The following SLC39A11 variants were observed in gnomAD, a reference collection of about 807,000 sequenced individuals.
SLC39A11 encodes solute carrier family 39 member 11, also known as zinc transporter ZIP11.
SLC39A11 carries 33 observed loss-of-function variants against 36.1 expected under a neutral mutation model. The ratio of observed to expected loss-of-function variants is 0.91; its 90% CI spans 0.69 to 1.22. The LOEUF is 1.22. SLC39A11 is among the 50% of genes most tolerant of loss of function. The pLI, the probability that SLC39A11 is intolerant of heterozygous loss-of-function variation, is 0.00. For synonymous variants in SLC39A11, 166 were observed against 170.3 expected (o/e 0.97, Z 0.20); for missense variants, 432 against 430.3 (o/e 1.00, Z -0.03).
Position 72,761,380 on chromosome 17 carries a change from G to A in SLC39A11, c.602-24661C>T, listed in dbSNP as rs552901815. Among the ~76,000 whole-genome samples, 3 of 152,058 alleles carry A rather than the reference G, an allele frequency of 2.0e-5. No individual in the cohort carries two copies. In the East Asian group the frequency reaches 5.8e-4, roughly 29 times the overall value. ...TCCGCCCCCCTCGGCCTCCCAAAGT[G>A]CTGGGATTACAGATGTGAGCCATGC... On this transcript the variant is annotated intron_variant, in intron 6 of 9. Transcript: ENST00000255559.
chr17:72,932,292 T>A (rs1398742835), intron 5 of SLC39A11, among the ~76,000 whole-genome samples: 1 of 144,372 alleles, frequency 6.9e-6, no homozygotes, highest in African/African-American at 2.8e-5. Flanking sequence ...GACCTGTTCT[T>A]TTATTATTAT....
At position 72,853,355 on chromosome 17, in the gene SLC39A11, G is replaced by A. The variant is rs142003270; in HGVS notation, c.431-3551C>T. On this transcript the variant is annotated intron_variant, in intron 5 of 9. Coordinates refer to ENST00000255559, the MANE Select transcript of SLC39A11 (RefSeq NM_139177.4). ...TTGGGGATTTTATAATTTAAGAGAG[G>A]GCAGACAGAGAAGACACACACAAAT... 2.2e-4 allele frequency among the ~76,000 whole-genome samples: 34 copies of A among 151,950 alleles called. No homozygotes were observed. In the South Asian group the frequency reaches 5.8e-3, roughly 26 times the overall value.
intron 4 of SLC39A11, 70 bp from the exon 5 acceptor site, chr17:72,947,945 C>T: frequency 2.5e-6 from 4 of 1,582,768 alleles, no homozygotes; most frequent in Non-Finnish European, 3.4e-6. Flanking sequence ...TTCTGGCTCA[C>T]GGGCGCCAAG....
intron 3 of SLC39A11, among the ~76,000 whole-genome samples, chr17:73,084,449 A>AG (rs2060651759): frequency 2.0e-5 from 3 of 148,606 alleles, no homozygotes; most frequent in Admixed American, 1.3e-4. Flanking sequence ...AAAAAAAAAA[A>AG]AAAAAAAAAA....
At chr17:72,896,762 T>C (rs1358636220) in intron 5 of SLC39A11, among the ~76,000 whole-genome samples, 1 of 151,762 alleles carries the variant, frequency 6.6e-6, no homozygotes, top group African/African-American at 2.4e-5. Context: ...TTAAGAAAAG[T>C]CCTCACAGCC....
In SLC39A11 at chr17:72,890,131, G is replaced by A. The variant is rs148780729; in HGVS notation, c.431-40327C>T. On this transcript the variant is annotated intron_variant, in intron 5 of 9. Transcript: ENST00000255559. ...AAAAAAAAAATTAGCTGGGCATGGT[G>A]GCAGGTGCCTGTAATCCCAGCTACT... 9.9e-3 allele frequency among the ~76,000 whole-genome samples: 1,503 copies of A among 152,194 alleles called. 31 individuals carry two copies. The highest frequency in any genetic ancestry group is 0.034 in the African/African-American group (1,397 of 41,502).
chr17:73,005,418 G>A (rs1334863551), intron 4 of SLC39A11, among the ~76,000 whole-genome samples: 1 of 152,204 alleles, frequency 6.6e-6, no homozygotes, highest in Non-Finnish European at 1.5e-5. Context: ...ATGCCTGACT[G>A]TGTGTCTGAT....
chr17:72,687,757 G>A (rs748892999), intron 7 of SLC39A11, among the ~76,000 whole-genome samples: 7 of 152,180 alleles, frequency 4.6e-5, no homozygotes, highest in South Asian at 2.1e-4. Context: ...GGCAGCAGCC[G>A]CCTTTGACCA....
At chr17:72,941,377 T>C (rs2085088738) in intron 5 of SLC39A11, among the ~76,000 whole-genome samples, 2 of 152,170 alleles carry the variant, frequency 1.3e-5, no homozygotes, top group African/African-American at 4.8e-5. Context: ...CTATTAGTCT[T>C]GGACTTCCAG....
intron 3 of SLC39A11, among the ~76,000 whole-genome samples, chr17:73,070,276 C>A (rs1235277083): frequency 6.6e-6 from 1 of 152,270 alleles, no homozygotes; most frequent in Admixed American, 6.5e-5. Context: ...ATGCCCCCAA[C>A]CCAGGCTGGT....
At chr17:72,894,365 A>G (rs1307524664) in intron 5 of SLC39A11, among the ~76,000 whole-genome samples, 3 of 144,312 alleles carry the variant, frequency 2.1e-5, no homozygotes, top group African/African-American at 7.8e-5. Context: ...TGTCTCAAAA[A>G]AAAAAAAAAA....
chr17:73,004,313 G>C (rs1444754386), intron 4 of SLC39A11, among the ~76,000 whole-genome samples: 1 of 152,202 alleles, frequency 6.6e-6, no homozygotes, highest in East Asian at 1.9e-4. Flanking sequence ...CTGGAGGCTA[G>C]AAGTCCGAGA....
rs1024367474 is a variant in SLC39A11, at chr17:73,068,061, G to A, written c.147+16747C>T. 2.5e-5 allele frequency: 38 copies of A among 1,528,930 alleles called. 1 individual carries two copies. The highest frequency in any genetic ancestry group is 4.5e-5 in the South Asian group (4 of 89,320). The allele number at this position is 1,528,930 out of a possible 1,614,324, so 94.7% of individuals were successfully genotyped here. A position where few individuals can be genotyped will look rare whatever the true frequency, so the allele number is the denominator to read the frequency against. ...ATGAGTCCTTGGATGGTTCATGTTC[G>A]CTCTACTGCCCACTTCTTTGTTTTC... On this transcript the variant is annotated intron_variant, in intron 3 of 9. Coordinates refer to ENST00000255559, the MANE Select transcript of SLC39A11 (RefSeq NM_139177.4).
At chr17:72,856,844 C>A (rs1555602807) in intron 5 of SLC39A11, among the ~76,000 whole-genome samples, 2 of 152,112 alleles carry the variant, frequency 1.3e-5, no homozygotes, top group African/African-American at 2.4e-5. Context: ...CCCCACCCGG[C>A]TAATTTTTGT....
chr17:72,878,494 T>C (rs574370850), intron 5 of SLC39A11, among the ~76,000 whole-genome samples: 35 of 152,332 alleles, frequency 2.3e-4, no homozygotes, highest in African/African-American at 8.2e-4. Context: ...TGGCCTGGTA[T>C]TCTCTTCCTC....
intron 4 of SLC39A11, among the ~76,000 whole-genome samples, chr17:73,022,932 A>AT (rs2058401801): frequency 6.6e-6 from 1 of 151,922 alleles, no homozygotes; most frequent in Non-Finnish European, 1.5e-5. Flanking sequence ...AAAAAAAAAA[A>AT]CTCAGTTTTC....
At chr17:73,031,104 C>T (rs1338431061) in intron 4 of SLC39A11, among the ~76,000 whole-genome samples, 5 of 152,190 alleles carry the variant, frequency 3.3e-5, no homozygotes, top group Non-Finnish European at 5.9e-5. Context: ...GCCCAGACCC[C>T]TGCTGCACAG....
At chr17:72,804,428 G>A (rs1358905201) in intron 6 of SLC39A11, among the ~76,000 whole-genome samples, 3 of 152,186 alleles carry the variant, frequency 2.0e-5, no homozygotes, top group Non-Finnish European at 4.4e-5. Flanking sequence ...CAAGTAGAGA[G>A]TATGTGGATA....
rs184807456 is a variant in SLC39A11, at chr17:72,883,479, G to A, written c.431-33675C>T. On this transcript the variant is annotated intron_variant, in intron 5 of 9. Coordinates refer to ENST00000255559, the MANE Select transcript of SLC39A11 (RefSeq NM_139177.4). Reference sequence around the variant, plus strand: ...ATGATGCAAAACATGCTCAAGCATCGCCAGTACTGAAGCTTTTCAAGGTTT... The same window carrying A: ...ATGATGCAAAACATGCTCAAGCATCACCAGTACTGAAGCTTTTCAAGGTTT... Among the ~76,000 whole-genome samples, 22 of 152,204 alleles carry A rather than the reference G, an allele frequency of 1.4e-4. No homozygotes were observed. The East Asian group carries it at 4.1e-3, about 28-fold the overall frequency.
Sources: allele counts gnomAD v4.1 joint callset (sites outside exome capture counted in the v4.1 genomes callset), GRCh38; gene constraint gnomAD v4.1.1; transcripts MANE v1.5; gene names NCBI Gene and HGNC (gene_info 2026-07-23, HGNC 2026-07-21).